The following CPS1 variants were observed in gnomAD, a reference collection of about 807,000 sequenced individuals.
CPS1 encodes carbamoyl-phosphate synthase [ammonia], mitochondrial.
Under a neutral mutation model 174.6 loss-of-function variants are expected in CPS1, and 109 were observed. The ratio of observed to expected loss-of-function variants is 0.62; its 90% CI spans 0.53 to 0.73. CPS1 has a LOEUF of 0.73. Among genes scored for constraint, CPS1 ranks in the 30% least tolerant of loss-of-function variants. The pLI, the probability that CPS1 is intolerant of heterozygous loss-of-function variation, is 0.00. For missense variants in CPS1, 1,689 were observed against 1,821.9 expected, an observed-to-expected ratio of 0.93 and a Z score of 1.33; for synonymous variants, 637 against 632.0, an observed-to-expected ratio of 1.01 and a Z score of -0.12.
chr2:210,563,015 G>T (rs770125523), intron 1 of CPS1, among the ~76,000 whole-genome samples: 16 of 152,034 alleles, frequency 1.1e-4, no homozygotes, highest in Non-Finnish European at 2.2e-4. Context: ...AAGTGCTGAA[G>T]TTAAAACAAG....
intron 1 of CPS1, among the ~76,000 whole-genome samples, chr2:210,550,863 A>C (rs1299475868): frequency 1.3e-5 from 2 of 151,668 alleles, no homozygotes; most frequent in Non-Finnish European, 2.9e-5. Context: ...TTTGCTTAGG[A>C]CTCCTATGTG....
intron 1 of CPS1, among the ~76,000 whole-genome samples, chr2:210,513,838 T>G (rs1045470559): frequency 2.0e-5 from 3 of 152,128 alleles, no homozygotes; most frequent in African/African-American, 7.2e-5. Context: ...ATTAAATCTT[T>G]AATCCATCTT....
At chr2:210,668,613 A>G in intron 34 of CPS1, among the ~76,000 whole-genome samples, 1 of 152,094 alleles carries the variant, frequency 6.6e-6, no homozygotes, top group East Asian at 1.9e-4. Flanking sequence ...TTAGCTCTCC[A>G]TCCTTAGTTC....
At chr2:210,656,456 G>A in intron 29 of CPS1, 69 bp from the exon 30 acceptor site, 1 of 1,071,864 alleles carries the variant, frequency 9.3e-7, no homozygotes, top group Non-Finnish European at 1.4e-6. Flanking sequence ...GGGAGGATGA[G>A]GGAGTAGCTT....
In CPS1 at chr2:210,654,082, G is replaced by A. The variant is rs776047286; in HGVS notation, c.3538G>A (p.Ala1180Thr). Residue 1180 changes from alanine to threonine, a missense_variant, in exon 29 of 38, where the codon GCT (alanine) becomes ACT (threonine). By Grantham distance (58) the Ala-to-Thr change is moderately conservative. Transcript: ENST00000233072. ...VEGAREVEMD[A>T]VGKDGRVISH... Reference sequence around the variant, plus strand: ...AGGGGCCCGAGAAGTAGAAATGGACGCTGTTGGCAAAGATGGAAGGGTAAG... The same window carrying A: ...AGGGGCCCGAGAAGTAGAAATGGACACTGTTGGCAAAGATGGAAGGGTAAG... 4.0e-5 allele frequency: 65 copies of A among 1,613,888 alleles called. No individual in the cohort carries two copies. In the East Asian group the frequency reaches 7.4e-4, roughly 18 times the overall value.
intron 21 of CPS1, among the ~76,000 whole-genome samples, chr2:210,630,452 T>G (rs1248703058): frequency 6.6e-6 from 1 of 152,238 alleles, no homozygotes; most frequent in African/African-American, 2.4e-5. Flanking sequence ...AGTATGCCAT[T>G]TTTTGAAAAC....
At chr2:210,670,627 A>T (rs561793784) in intron 34 of CPS1, among the ~76,000 whole-genome samples, 1 of 152,286 alleles carries the variant, frequency 6.6e-6, no homozygotes, top group South Asian at 2.1e-4. Context: ...AAAATAGCAC[A>T]AAAAAGACTG....
In CPS1 at chr2:210,527,562, G is replaced by A. The variant is rs185773969; in HGVS notation, c.4-29157G>A. On this transcript the variant is annotated intron_variant, in intron 1 of 38. Coordinates refer to the CPS1 transcript ENST00000430249. Reference sequence around the variant, plus strand: ...GCCATCTTTCAGGTCCAACTTTAATGCAATTTCCTCAGGAAGTGTTTCCTG... The same window carrying A: ...GCCATCTTTCAGGTCCAACTTTAATACAATTTCCTCAGGAAGTGTTTCCTG... 2.3e-4 allele frequency among the ~76,000 whole-genome samples: 35 copies of A among 152,012 alleles called. 1 individual carries two copies. The highest frequency in any genetic ancestry group is 6.7e-4 in the African/African-American group (28 of 41,518).
At chr2:210,576,614 A>T (rs1166204829) in intron 3 of CPS1, 124 bp downstream of exon 3, 5 of 985,830 alleles carry the variant, frequency 5.1e-6, no homozygotes, top group Non-Finnish European at 8.1e-6. Context: ...AAGCTCATGT[A>T]TTCAATCTTA....
At chr2:210,599,612 T>C (rs376426802) in intron 14 of CPS1, 51 bp downstream of exon 14, 1 of 1,551,658 alleles carries the variant, frequency 6.4e-7, no homozygotes, top group Non-Finnish European at 8.9e-7. Flanking sequence ...CACTGCTGTG[T>C]AATGTATTTT....
intron 1 of CPS1, among the ~76,000 whole-genome samples, chr2:210,504,338 C>G (rs1293745211): frequency 6.6e-6 from 1 of 152,086 alleles, no homozygotes; most frequent in East Asian, 1.9e-4. Context: ...ACCACAAATG[C>G]AAGAAAAAAG....
chr2:210,497,904 A>ATATATATATATATATG (rs1695036712), intron 1 of CPS1, among the ~76,000 whole-genome samples: 1 of 136,888 alleles, frequency 7.3e-6, no homozygotes, highest in Non-Finnish European at 1.6e-5. Context: ...ATATATATAT[A>ATATATATATATATATG]TATATATATA....
intron 2 of CPS1, 34 bp from the exon 3 acceptor site, chr2:210,576,312 T>A: frequency 6.2e-7 from 1 of 1,611,136 alleles, no homozygotes; most frequent in South Asian, 1.1e-5. Flanking sequence ...TTACATACAT[T>A]ATTTGCTGAT....
intron 1 of CPS1, 43 bp downstream of exon 1, chr2:210,556,902 A>G: frequency 6.2e-7 from 1 of 1,604,582 alleles, no homozygotes; most frequent in Non-Finnish European, 8.5e-7. Context: ...ACTATGGGGT[A>G]TAGTTTAGCA....
rs749778613 is a variant in CPS1 at position 210,660,652 on chromosome 2, T to A, written c.3924T>A (p.Ile1308=). ...TAATTCCTGCTGACTATGTTGCAAT[T>A]AAGGTAACATTTTCAAAAATTTATT... The part of the protein sequence containing the change: ...HPIIPADYVA[I]KAPMFSWPRL... Residue 1308 remains isoleucine, a synonymous_variant, in exon 32 of 38, where the codon ATT becomes ATA. Transcript: ENST00000233072. 6.2e-7 allele frequency: 1 copy of A among 1,613,752 alleles called. No homozygotes were observed. Among genetic ancestry groups the A allele is most frequent in the Non-Finnish European group, 8.5e-7 (1 of 1,179,636 alleles).
At chr2:210,614,407 A>G (rs985653313) in intron 20 of CPS1, among the ~76,000 whole-genome samples, 7 of 151,962 alleles carry the variant, frequency 4.6e-5, no homozygotes, top group African/African-American at 1.4e-4. Context: ...TCCTTTGGGT[A>G]TATACCCAGT....
At chr2:210,615,404 A>G (rs1020047741) in intron 20 of CPS1, among the ~76,000 whole-genome samples, 6 of 151,980 alleles carry the variant, frequency 3.9e-5, no homozygotes, top group Non-Finnish European at 8.8e-5. Flanking sequence ...TATCTCAACA[A>G]TTATAATCAT....
chr2:210,573,314 T>G lies in CPS1; in HGVS notation c.143T>G (p.Ile48Ser). The G allele has an allele frequency of 6.2e-7, 1 of 1,612,924 alleles. No individual in the cohort carries two copies. Among genetic ancestry groups the G allele is most frequent in the Non-Finnish European group, 8.5e-7 (1 of 1,178,994 alleles). Residue 48 changes from isoleucine to serine, a missense_variant, in exon 2 of 38, where the codon ATT (isoleucine) becomes AGT (serine). Coordinates refer to ENST00000233072, the MANE Select transcript of CPS1 (RefSeq NM_001875.5). ...LLSVKAQTAHIVLEDGTKMKG... is the reference protein window; with the variant it reads ...LLSVKAQTAHSVLEDGTKMKG... ...TTTCTTCAGGCACAGACAGCACACATTGTCCTGGAAGATGGAACTAAGATG... is the reference window on the plus strand; with the variant it reads ...TTTCTTCAGGCACAGACAGCACACAGTGTCCTGGAAGATGGAACTAAGATG...
chr2:210,606,897 T>A lies in CPS1; in HGVS notation c.2148T>A (p.Asn716Lys), dbSNP rs369061090. ...TSMEYCIIEV[N>K]ARLSRSSALA... ...TGGAATACTGCATCATTGAAGTGAA[T>A]GCCAGACTGTCCCGAAGCTCTGCTC... The change falls in exon 18 of 38, where the codon AAT (asparagine) becomes AAA (lysine). Residue 716 changes from asparagine (N) to lysine (K), a missense_variant. By Grantham distance (94) the Asn-to-Lys change is moderately conservative (BLOSUM62 0). Transcript: ENST00000233072. 2.3e-5 allele frequency: 37 copies of A among 1,612,500 alleles called. No homozygotes were observed. Among genetic ancestry groups the A allele is most frequent in the Non-Finnish European group, 3.1e-5 (36 of 1,179,086 alleles).
Sources: gnomAD v4.1 joint callset for allele counts (sites outside exome capture counted in the v4.1 genomes callset) on GRCh38, gnomAD v4.1.1 for gene constraint, MANE v1.5 for transcripts, NCBI Gene and HGNC (gene_info 2026-07-23, HGNC 2026-07-21) for gene names.